The following PTGER3 variants were observed in gnomAD, a reference collection of about 807,000 sequenced individuals.
PTGER3 encodes prostaglandin E2 receptor EP3 subtype.
PTGER3 carries 22 observed loss-of-function variants against 34.7 expected under a neutral mutation model. The ratio of observed to expected loss-of-function variants is 0.63; its 90% CI spans 0.45 to 0.91. PTGER3 has a LOEUF of 0.91. Among genes scored for constraint, PTGER3 ranks in the 40% least tolerant of loss-of-function variants. The probability of loss-of-function intolerance (pLI) is 0.00; values close to 1 mark genes in which losing one functional copy is unlikely to be tolerated. For synonymous variants in PTGER3, 241 were observed against 230.1 expected, an observed-to-expected ratio of 1.05 and a Z score of -0.43; for missense variants, 468 against 519.4, an observed-to-expected ratio of 0.90 and a Z score of 0.96.
chr1:70,940,572 G>T (rs889313323), intron 4 of PTGER3, among the ~76,000 whole-genome samples: 3 of 152,170 alleles, frequency 2.0e-5, no homozygotes, highest in African/African-American at 7.2e-5. Flanking sequence ...ATGGCAGGAG[G>T]TGGAAGACAC....
intron 4 of PTGER3, among the ~76,000 whole-genome samples, chr1:70,928,031 G>A (rs1002869236): frequency 6.6e-6 from 1 of 151,222 alleles, no homozygotes; most frequent in Non-Finnish European, 1.5e-5. Context: ...TATCTACTAG[G>A]TACTATGTAA....
At chr1:70,875,074 T>C (rs1217140192) in intron 4 of PTGER3, among the ~76,000 whole-genome samples, 1 of 152,346 alleles carries the variant, frequency 6.6e-6, no homozygotes, top group African/African-American at 2.4e-5. Context: ...CTTCCCCTAG[T>C]GTTTTAAACC....
intron 1 of PTGER3, among the ~76,000 whole-genome samples, chr1:71,015,161 T>C (rs534985875): frequency 1.3e-5 from 2 of 152,316 alleles, no homozygotes; most frequent in South Asian, 4.1e-4. Flanking sequence ...ACTATCTCAG[T>C]TGTTCCTGAT....
chr1:70,945,565 T>C (rs111700021), intron 4 of PTGER3, among the ~76,000 whole-genome samples: 86 of 152,170 alleles, frequency 5.7e-4, no homozygotes, highest in African/African-American at 1.8e-3. Flanking sequence ...TTATGAAAAT[T>C]TACTTTCTCA....
At chr1:71,014,812 A>G (rs1572935014) in intron 1 of PTGER3, among the ~76,000 whole-genome samples, 1 of 152,182 alleles carries the variant, frequency 6.6e-6, no homozygotes. Context: ...ATGGCAGCCC[A>G]AGCAGACTAA....
At chr1:70,953,519 T>C (rs1417328839) in intron 3 of PTGER3, among the ~76,000 whole-genome samples, 1 of 152,114 alleles carries the variant, frequency 6.6e-6, no homozygotes, top group Non-Finnish European at 1.5e-5. Flanking sequence ...CCAACAGACA[T>C]GTTATATGGG....
At chr1:71,004,459 T>C (rs1449982660) in intron 2 of PTGER3, among the ~76,000 whole-genome samples, 2 of 152,198 alleles carry the variant, frequency 1.3e-5, no homozygotes, top group African/African-American at 4.8e-5. Flanking sequence ...GCCCAATATT[T>C]GTTCTTTGAT....
chr1:70,916,360 C>T (rs1271864815), intron 4 of PTGER3, among the ~76,000 whole-genome samples: 1 of 151,926 alleles, frequency 6.6e-6, no homozygotes, highest in Non-Finnish European at 1.5e-5. Context: ...TACAATTCGA[C>T]CCAGCAATCC....
intron 2 of PTGER3, among the ~76,000 whole-genome samples, chr1:71,004,835 G>C (rs1319340169): frequency 6.6e-6 from 1 of 152,212 alleles, no homozygotes; most frequent in African/African-American, 2.4e-5. Flanking sequence ...AGGCATTGTT[G>C]TAGTGGCAGC....
intron 1 of PTGER3, among the ~76,000 whole-genome samples, chr1:71,031,544 T>A (rs2100951114): frequency 6.6e-6 from 1 of 152,284 alleles, no homozygotes; most frequent in South Asian, 2.1e-4. Flanking sequence ...GCAGTCAGGC[T>A]GGCAACAGAA....
intron 2 of PTGER3, among the ~76,000 whole-genome samples, chr1:71,003,529 AT>A (rs969446308): frequency 9.9e-5 from 15 of 152,120 alleles, no homozygotes; most frequent in East Asian, 3.9e-4. Context: ...AACTTGTAAT[AT>A]TTTTTTTAAA....
chr1:70,857,416 C>G (rs528913028), intron 4 of PTGER3, among the ~76,000 whole-genome samples: 1 of 151,664 alleles, frequency 6.6e-6, no homozygotes, highest in Non-Finnish European at 1.5e-5. Context: ...ATTTTTTTTT[C>G]CCCTGATAGT....
intron 2 of PTGER3, chr1:71,008,591 T>C (rs904285941): frequency 2.0e-6 from 2 of 984,598 alleles, no homozygotes; most frequent in African/African-American, 3.5e-5. Context: ...GTAAATTGGC[T>C]CGATCATAAC....
chr1:71,033,623 T>C (rs1025229839), intron 1 of PTGER3, among the ~76,000 whole-genome samples: 1 of 152,220 alleles, frequency 6.6e-6, no homozygotes, highest in African/African-American at 2.4e-5. Context: ...CAAATACTGA[T>C]TGCATGCATG....
intron 1 of PTGER3, among the ~76,000 whole-genome samples, chr1:71,041,028 A>T (rs1660268636): frequency 6.6e-6 from 1 of 152,184 alleles, no homozygotes; most frequent in Non-Finnish European, 1.5e-5. Context: ...CCCATGTTGT[A>T]TGTATCTCAG....
intron 4 of PTGER3, among the ~76,000 whole-genome samples, chr1:70,876,182 C>A (rs1375391757): frequency 6.6e-6 from 1 of 151,686 alleles, no homozygotes; most frequent in Non-Finnish European, 1.5e-5. Context: ...CCTTTCTCTG[C>A]TGGTTAGTGA....
intron 4 of PTGER3, chr1:70,865,734 A>T (rs755555267): frequency 1.5e-6 from 2 of 1,366,360 alleles, no homozygotes; most frequent in Non-Finnish European, 2.0e-6. Flanking sequence ...TGTGGATGTG[A>T]TGAAGACATG....
chr1:70,915,986 A>C (rs922219595), intron 4 of PTGER3, among the ~76,000 whole-genome samples: 2 of 152,072 alleles, frequency 1.3e-5, no homozygotes, highest in African/African-American at 4.8e-5. Flanking sequence ...CAAACTGTAC[A>C]TCTAACTAAG....
rs1177021124 is a variant in PTGER3 at position 70,973,218 on chromosome 1, AG to A, written c.1169+1078del. On this transcript the variant is annotated intron_variant, in intron 3 of 3. Transcript: ENST00000306666. Reference sequence around the variant, plus strand: ...ATAGATAGATGATAGATAGATAGATAGATGATAGATAGATAGATAGATAGAT... The same window carrying A: ...ATAGATAGATGATAGATAGATAGATAATGATAGATAGATAGATAGATAGAT... 6.3e-3 allele frequency among the ~76,000 whole-genome samples: 637 copies of A among 100,440 alleles called. 10 individuals are homozygous for A. Among genetic ancestry groups the A allele is most frequent in the African/African-American group, 0.02 (598 of 30,466 alleles). 65.9% of individuals were successfully genotyped at this position (100,440 alleles called of 152,430 possible). A position where few individuals can be genotyped will look rare whatever the true frequency, so the allele number is the denominator to read the frequency against.
Sources: allele counts gnomAD v4.1 joint callset (sites outside exome capture counted in the v4.1 genomes callset), GRCh38; gene constraint gnomAD v4.1.1; transcripts MANE v1.5; gene names NCBI Gene and HGNC (gene_info 2026-07-23, HGNC 2026-07-21).